The following SPRED1 variants were observed in gnomAD, a reference collection of about 807,000 sequenced individuals.
SPRED1 encodes the protein sprouty related EVH1 domain containing 1, also known as sprouty-related, EVH1 domain-containing protein 1.
Under a neutral mutation model 52.3 loss-of-function variants are expected in SPRED1, and 18 were observed. The observed-to-expected ratio is 0.34, with a 90% CI of 0.24 to 0.51. The LOEUF (loss-of-function observed/expected upper bound fraction) is 0.51, where lower values mean the gene tolerates loss of function less well. SPRED1 is among the 20% of genes least tolerant of loss of function. The probability of loss-of-function intolerance (pLI) is 0.97; values close to 1 mark genes in which losing one functional copy is unlikely to be tolerated. For synonymous variants in SPRED1, 155 were observed against 179.7 expected (o/e 0.86, Z 1.10); for missense variants, 485 against 551.0 (o/e 0.88, Z 1.20).
At chr15:38,322,512 T>C (rs1895625429) in intron 3 of SPRED1, 103 bp downstream of exon 3, 1 of 1,198,024 alleles carries the variant, frequency 8.3e-7, no homozygotes, top group Non-Finnish European at 1.2e-6. Context: ...TTTAACCATG[T>C]CAGCTTTTGT....
At chr15:38,314,927 A>G (rs1595742539) in intron 2 of SPRED1, among the ~76,000 whole-genome samples, 1 of 151,668 alleles carries the variant, frequency 6.6e-6, no homozygotes, top group Non-Finnish European at 1.5e-5. Flanking sequence ...AATCACTGCC[A>G]TTGCTGTTTC....
intron 1 of SPRED1, among the ~76,000 whole-genome samples, chr15:38,281,535 G>A (rs1327803191): frequency 2.0e-5 from 3 of 150,804 alleles, no homozygotes; most frequent in Non-Finnish European, 4.4e-5. Flanking sequence ...TAAGACTATA[G>A]GTGTGTGCCA....
chr15:38,315,509 A>G (rs1228523560), intron 2 of SPRED1, among the ~76,000 whole-genome samples: 3 of 151,946 alleles, frequency 2.0e-5, no homozygotes, highest in Non-Finnish European at 2.9e-5. Context: ...GTTTTGCTCT[A>G]TATTTCCCAA....
intron 4 of SPRED1, among the ~76,000 whole-genome samples, chr15:38,335,952 T>C (rs1406434866): frequency 6.6e-6 from 1 of 152,110 alleles, no homozygotes; most frequent in African/African-American, 2.4e-5. Context: ...GTACCTTGAT[T>C]TTAAAATTAT....
intron 1 of SPRED1, among the ~76,000 whole-genome samples, chr15:38,295,857 C>A (rs1895025470): frequency 2.0e-5 from 3 of 152,046 alleles, no homozygotes; most frequent in Admixed American, 1.3e-4. Flanking sequence ...AAAAAAATCA[C>A]AAGTTTCATA....
intron 1 of SPRED1, among the ~76,000 whole-genome samples, chr15:38,266,315 CAGTTA>C (rs1227519121): frequency 5.3e-5 from 8 of 152,060 alleles, no homozygotes; most frequent in African/African-American, 1.9e-4. Context: ...AACTTAGTAA[CAGTTA>C]AGAACATATA....
chr15:38,263,359 G>C (rs553923995), intron 1 of SPRED1, among the ~76,000 whole-genome samples: 1 of 152,142 alleles, frequency 6.6e-6, no homozygotes, highest in East Asian at 1.9e-4. Context: ...TTCTCAAAAA[G>C]GTTAAGAGGG....
intron 1 of SPRED1, among the ~76,000 whole-genome samples, chr15:38,266,638 C>T (rs1894312197): frequency 7.2e-6 from 1 of 138,290 alleles, no homozygotes; most frequent in African/African-American, 2.6e-5. Flanking sequence ...GAGACTCTGT[C>T]TCAAAAAACA....
chr15:38,321,419 G>C (rs1248347384), intron 2 of SPRED1, among the ~76,000 whole-genome samples: 1 of 152,078 alleles, frequency 6.6e-6, no homozygotes, highest in Non-Finnish European at 1.5e-5. Context: ...GGATATTTTA[G>C]TACTGCAATT....
Position 38,353,464 on chromosome 15 carries a change from G to A in SPRED1, c.*1800G>A, listed in dbSNP as rs1366222302. ...ATATATTGATAACTATAGATGTTAT[G>A]AAGAAGAGGGTATTTCTAGTTTTGT... is the stretch of plus-strand genomic sequence containing the variant. On this transcript the variant is annotated 3_prime_UTR_variant, in exon 7 of 7. Transcript: ENST00000299084. 6.6e-6 allele frequency: 1 copy of A among 152,486 alleles called. No individual in the cohort carries two copies. The highest frequency in any genetic ancestry group is 2.4e-5 in the African/African-American group (1 of 41,424). The allele number at this position is 152,486 out of a possible 1,614,324, so 9.4% of individuals were successfully genotyped here.
chr15:38,323,384 G>C (rs750279855), intron 3 of SPRED1, among the ~76,000 whole-genome samples: 5 of 151,862 alleles, frequency 3.3e-5, no homozygotes, highest in Non-Finnish European at 5.9e-5. Context: ...TGTCTTTATT[G>C]TAAGACCCCA....
At position 38,277,064 on chromosome 15, in the gene SPRED1, C is replaced by T. The variant is rs192923438; in HGVS notation, c.33-22309C>T. Among the ~76,000 whole-genome samples, 7 of 152,204 alleles carry T rather than the reference C, an allele frequency of 4.6e-5. No homozygotes were observed. The East Asian group carries it at 1.3e-3, about 29-fold the overall frequency. ...AAAAATGATAGTAATATTCATAAAG[C>T]TTATCTTTGCTTCTACATTAAGAGA... On this transcript the variant is annotated intron_variant, in intron 1 of 6. Coordinates refer to ENST00000299084, the MANE Select transcript of SPRED1 (RefSeq NM_152594.3).
intron 4 of SPRED1, among the ~76,000 whole-genome samples, chr15:38,334,779 G>A (rs530903251): frequency 2.5e-4 from 38 of 151,666 alleles, no homozygotes; most frequent in Non-Finnish European, 4.7e-4. Context: ...TTTGATTCTT[G>A]TTTTCTTTAT....
intron 2 of SPRED1, among the ~76,000 whole-genome samples, chr15:38,300,536 C>T (rs1895130649): frequency 6.6e-6 from 1 of 151,936 alleles, no homozygotes; most frequent in African/African-American, 2.4e-5. Context: ...ATTTTTTTTA[C>T]ATCTGAATCA....
chr15:38,341,854 T>C (rs930857391), intron 5 of SPRED1, among the ~76,000 whole-genome samples: 4 of 152,190 alleles, frequency 2.6e-5, no homozygotes, highest in Admixed American at 2.6e-4. Flanking sequence ...ACTGATCCTT[T>C]TGTCATTATG....
In SPRED1 at chr15:38,253,067, C is replaced by T. The variant is rs1055591797; in HGVS notation, c.-119C>T. On this transcript the variant is annotated 5_prime_UTR_variant, in exon 1 of 7. Coordinates refer to ENST00000299084, the MANE Select transcript of SPRED1 (RefSeq NM_152594.3). ...GTGAGGCATCCACCATGGTGAGGCC[C>T]CTGTGCCGCTGCCCCCGCGCCCCCC... 8.5e-6 allele frequency: 7 copies of T among 824,156 alleles called. No homozygotes were observed. The highest frequency in any genetic ancestry group is 1.4e-5 in the Non-Finnish European group (7 of 493,920). 51.1% of individuals were successfully genotyped at this position (824,156 alleles called of 1,614,324 possible).
intron 2 of SPRED1, among the ~76,000 whole-genome samples, chr15:38,307,490 G>A (rs1331496637): frequency 2.6e-5 from 4 of 152,060 alleles, no homozygotes; most frequent in African/African-American, 9.7e-5. Flanking sequence ...TCTTATAAAA[G>A]CACTAGCCCT....
intron 2 of SPRED1, among the ~76,000 whole-genome samples, chr15:38,305,135 C>T (rs1026448180): frequency 1.1e-4 from 17 of 152,072 alleles, no homozygotes; most frequent in Admixed American, 8.5e-4. Flanking sequence ...TCGAGACCAG[C>T]CTGGCCAACA....
chr15:38,270,053 G>A (rs1374641258), intron 1 of SPRED1, among the ~76,000 whole-genome samples: 2 of 151,848 alleles, frequency 1.3e-5, no homozygotes, highest in African/African-American at 2.4e-5. Context: ...GATTAAAGAC[G>A]TGTGCCACCA....
Sources: gnomAD v4.1 joint callset for allele counts (sites outside exome capture counted in the v4.1 genomes callset) on GRCh38, gnomAD v4.1.1 for gene constraint, MANE v1.5 for transcripts, NCBI Gene and HGNC (gene_info 2026-07-23, HGNC 2026-07-21) for gene names.